The following CNTNAP2 variants were observed in gnomAD, a reference collection of about 807,000 sequenced individuals.
The protein encoded by CNTNAP2 is contactin-associated protein-like 2.
In CNTNAP2, 98 loss-of-function variants were observed where a neutral mutation model predicts 155.2. The observed-to-expected ratio is 0.63, with a 90% confidence interval of 0.54 to 0.75. The LOEUF (loss-of-function observed/expected upper bound fraction) is 0.75. CNTNAP2 is among the 30% of genes least tolerant of loss of function. CNTNAP2 has a pLI of 0.00. For synonymous variants in CNTNAP2, 651 were observed against 631.2 expected (o/e 1.03, Z -0.47); for missense variants, 1,727 against 1,688.1 (o/e 1.02, Z -0.40).
intron 1 of CNTNAP2, among the ~76,000 whole-genome samples, chr7:146,130,395 C>T (rs968370001): frequency 3.9e-5 from 6 of 152,078 alleles, no homozygotes; most frequent in Non-Finnish European, 5.9e-5. Flanking sequence ...GCGTGAGCCC[C>T]GGAGTTCAAA....
At chr7:147,823,029 G>A (rs980441347) in intron 13 of CNTNAP2, among the ~76,000 whole-genome samples, 6 of 152,122 alleles carry the variant, frequency 3.9e-5, no homozygotes, top group African/African-American at 4.8e-5. Flanking sequence ...AGCTTGCTTC[G>A]CAATAATCCA....
At chr7:147,638,134 T>C (rs1795211755) in intron 12 of CNTNAP2, among the ~76,000 whole-genome samples, 2 of 152,230 alleles carry the variant, frequency 1.3e-5, no homozygotes, top group South Asian at 4.1e-4. Flanking sequence ...AATATTCTTG[T>C]TGATGTTCAG....
intron 15 of CNTNAP2, among the ~76,000 whole-genome samples, chr7:148,009,377 G>T (rs1802033477): frequency 6.6e-6 from 1 of 152,136 alleles, no homozygotes; most frequent in Non-Finnish European, 1.5e-5. Context: ...CCTTCCTAAA[G>T]TACAACAATT....
At chr7:147,533,661 C>A (rs529217820) in intron 11 of CNTNAP2, among the ~76,000 whole-genome samples, 1 of 151,158 alleles carries the variant, frequency 6.6e-6, no homozygotes. Context: ...ATCCCAGCTA[C>A]TCAGGAGGCT....
In CNTNAP2 at chr7:148,418,098, C is replaced by G. The variant is rs1193224749; in HGVS notation, c.*2482C>G. The G allele has an allele frequency of 6.6e-6, 1 of 152,216 alleles. No homozygotes were observed. Among genetic ancestry groups the G allele is most frequent in the Non-Finnish European group, 1.5e-5 (1 of 68,048 alleles). 9.4% of individuals were successfully genotyped at this position (152,216 alleles called of 1,614,324 possible). Reference sequence around the variant, plus strand: ...AAACGGTGGATAAAGTATTAAGTAACTAAGTGCCAAATAAATGCTGGAAAT... The same window carrying G: ...AAACGGTGGATAAAGTATTAAGTAAGTAAGTGCCAAATAAATGCTGGAAAT... On this transcript the variant is annotated 3_prime_UTR_variant, in exon 24 of 24. Coordinates refer to ENST00000361727, the MANE Select transcript of CNTNAP2 (RefSeq NM_014141.6).
intron 17 of CNTNAP2, among the ~76,000 whole-genome samples, chr7:148,163,322 A>G (rs1255172754): frequency 6.6e-6 from 1 of 152,214 alleles, no homozygotes; most frequent in Non-Finnish European, 1.5e-5. Flanking sequence ...CTCTGAGAGT[A>G]AAGTTCTGGA....
intron 12 of CNTNAP2, among the ~76,000 whole-genome samples, chr7:147,586,247 A>T (rs6943922): frequency 0.69 from 104,424 of 151,436 alleles, 36,576 homozygotes; most frequent in African/African-American, 0.81. Flanking sequence ...CTTCAGAGAA[A>T]AGTTTGCAAA....
At chr7:147,504,839 T>TATAG (rs35388373) in intron 11 of CNTNAP2, among the ~76,000 whole-genome samples, 15,774 of 150,266 alleles carry the variant, frequency 0.1, 896 homozygotes, top group Middle Eastern at 0.19. Flanking sequence ...TATATATATA[T>TATAG]GAATCAGAAA....
chr7:147,573,200 A>G (rs371999086), intron 12 of CNTNAP2, among the ~76,000 whole-genome samples: 7 of 152,194 alleles, frequency 4.6e-5, no homozygotes, highest in African/African-American at 1.7e-4. Flanking sequence ...AAGAATGAAA[A>G]TACAACTTTG....
chr7:147,122,968 T>A (rs1009835423), intron 6 of CNTNAP2: 1 of 152,186 alleles, frequency 6.6e-6, no homozygotes, highest in African/African-American at 2.4e-5. Context: ...ATTATCTTTA[T>A]GTTTAAATAG....
chr7:147,562,090 G>A lies in CNTNAP2; in HGVS notation c.1778-48G>A, dbSNP rs751189349. ...TGCCACTGGGACATTTATCTGGGGA[G>A]CCATTTGTTCTGTGCTGTGCTTATG... On this transcript the variant is annotated intron_variant, in intron 11 of 23. Coordinates refer to ENST00000361727, the MANE Select transcript of CNTNAP2 (RefSeq NM_014141.6). 8 of 1,612,570 alleles carry A rather than the reference G, an allele frequency of 5.0e-6. No individual in the cohort carries two copies. In the East Asian group the frequency reaches 1.8e-4, roughly 36 times the overall value.
intron 8 of CNTNAP2, among the ~76,000 whole-genome samples, chr7:147,135,800 T>C (rs1474536114): frequency 6.7e-6 from 1 of 150,202 alleles, no homozygotes; most frequent in Non-Finnish European, 1.5e-5. Context: ...AAAAAAGCCA[T>C]AACCCACTAT....
At chr7:147,790,088 T>C (rs1163284237) in intron 13 of CNTNAP2, among the ~76,000 whole-genome samples, 4 of 152,154 alleles carry the variant, frequency 2.6e-5, no homozygotes, top group Non-Finnish European at 5.9e-5. Context: ...TGACCTACTA[T>C]ACCCTTATTT....
intron 11 of CNTNAP2, among the ~76,000 whole-genome samples, chr7:147,514,878 C>T (rs148280614): frequency 9.3e-4 from 142 of 152,306 alleles, no homozygotes; most frequent in Admixed American, 2.8e-3. Context: ...TAGCTTCCTG[C>T]CTTAGTCGAC....
At position 147,162,594 on chromosome 7, in the gene CNTNAP2, C is replaced by A. The variant is rs1475950515; in HGVS notation, c.1348+30085C>A. 2.0e-5 allele frequency among the ~76,000 whole-genome samples: 3 copies of A among 152,060 alleles called. 1 individual carries two copies. The highest frequency in any genetic ancestry group is 2.0e-4 in the Admixed American group (3 of 15,254). On this transcript the variant is annotated intron_variant, in intron 8 of 23. Transcript: ENST00000361727. The stretch of plus-strand genomic sequence containing the variant: ...CAGTATTTACTGCCCACTTTATTTT[C>A]TTTGTTCCCACCCAGAAATCAAACC...
chr7:148,266,507 G>T (rs760051142), intron 20 of CNTNAP2, among the ~76,000 whole-genome samples: 2 of 152,032 alleles, frequency 1.3e-5, no homozygotes, highest in Non-Finnish European at 1.5e-5. Context: ...CTGCCAACTC[G>T]CCCAACCACC....
chr7:147,798,611 G>C (rs1392012050), intron 13 of CNTNAP2, among the ~76,000 whole-genome samples: 3 of 152,106 alleles, frequency 2.0e-5, no homozygotes, highest in Admixed American at 6.5e-5. Context: ...TCTTACTTAG[G>C]AGTAAGAAAA....
intron 14 of CNTNAP2, among the ~76,000 whole-genome samples, chr7:147,932,401 A>C (rs754836031): frequency 1.3e-5 from 2 of 152,130 alleles, no homozygotes; most frequent in Non-Finnish European, 2.9e-5. Context: ...CCAGAAATAA[A>C]CCTGTGCATA....
At chr7:147,914,099 A>G (rs946663844) in intron 14 of CNTNAP2, among the ~76,000 whole-genome samples, 20 of 152,194 alleles carry the variant, frequency 1.3e-4, no homozygotes, top group Non-Finnish European at 4.4e-5. Flanking sequence ...GTCCATGAAT[A>G]GAGTTTCAGA....
Sources: allele counts gnomAD v4.1 joint callset (sites outside exome capture counted in the v4.1 genomes callset), GRCh38; gene constraint gnomAD v4.1.1; transcripts MANE v1.5; gene names NCBI Gene and HGNC (gene_info 2026-07-23, HGNC 2026-07-21).